Variants in SGSM1 observed in about 807,000 individuals in gnomAD.
SGSM1 encodes the protein RUN and TBC1 domain containing 2.
A neutral mutation model predicts 133.8 loss-of-function variants in SGSM1; 73 were observed. The observed-to-expected ratio is 0.55, with a 90% CI of 0.45 to 0.66. The LOEUF (loss-of-function observed/expected upper bound fraction) is 0.66, where lower values mean the gene tolerates loss of function less well. Ranked by LOEUF, SGSM1 falls within the 30% of genes least tolerant of loss-of-function variation. The probability of loss-of-function intolerance (pLI) is 0.00; values close to 1 mark genes in which losing one functional copy is unlikely to be tolerated. For missense variants in SGSM1, 1,213 were observed against 1,448.1 expected, an observed-to-expected ratio of 0.84 and a Z score of 2.64; for synonymous variants, 563 against 573.0, an observed-to-expected ratio of 0.98 and a Z score of 0.25.
At chr22:24,828,869 A>G (rs1363080367) in intron 2 of SGSM1, among the ~76,000 whole-genome samples, 1 of 152,186 alleles carries the variant, frequency 6.6e-6, no homozygotes, top group Non-Finnish European at 1.5e-5. Flanking sequence ...TGTGGTACGT[A>G]TGCACCATAG....
intron 17 of SGSM1, among the ~76,000 whole-genome samples, chr22:24,894,014 A>G (rs951966150): frequency 2.6e-5 from 4 of 152,204 alleles, no homozygotes; most frequent in Non-Finnish European, 5.9e-5. Context: ...ATATCCTGGG[A>G]TATCAGGAAT....
intron 14 of SGSM1, 82 bp downstream of exon 14, chr22:24,879,608 C>A: frequency 7.2e-7 from 1 of 1,380,170 alleles, no homozygotes; most frequent in Non-Finnish European, 1.0e-6. Context: ...TCAAAAGATA[C>A]TGGCTCTGGA....
At chr22:24,907,028 G>A (rs545962994) in intron 21 of SGSM1, among the ~76,000 whole-genome samples, 3 of 151,760 alleles carry the variant, frequency 2.0e-5, no homozygotes, top group African/African-American at 4.8e-5. Flanking sequence ...TGGGAGCCTC[G>A]GTGGGTGGAT....
rs138992835 is a variant in SGSM1 at position 24,807,587 on chromosome 22, T to C, written c.63+1103T>C. ...GTGTGTTGCCCTCCCCATTCTTCAG[T>C]CTCAGACCCCATTGCTGCTGTGTCT... On this transcript the variant is annotated intron_variant, in intron 2 of 24. Transcript: ENST00000400358. Among the ~76,000 whole-genome samples the C allele has an allele frequency of 3.6e-3, 550 of 152,272 alleles. 2 individuals are homozygous for C. The highest frequency in any genetic ancestry group is 0.013 in the African/African-American group (525 of 41,556).
intron 2 of SGSM1, among the ~76,000 whole-genome samples, chr22:24,812,430 C>G (rs934177975): frequency 1.3e-5 from 2 of 152,150 alleles, no homozygotes; most frequent in Admixed American, 1.3e-4. Context: ...ATTCAAACCT[C>G]ATGTTGCCAA....
At position 24,806,276 on chromosome 22, in the gene SGSM1, C is replaced by T. The variant is rs773998854; in HGVS notation, c.-50C>T. 7.8e-6 allele frequency: 11 copies of T among 1,403,932 alleles called. No individual in the cohort carries two copies. In the Admixed American group the frequency reaches 1.9e-4, roughly 25 times the overall value. 87.0% of individuals were successfully genotyped at this position (1,403,932 alleles called of 1,614,324 possible). On this transcript the variant is annotated 5_prime_UTR_variant, in exon 1 of 25. Coordinates refer to ENST00000400358, the MANE Select transcript of SGSM1 (RefSeq NM_001098497.3). ...GCGCCGCGGCCGGAGGAGCTACCGC[C>T]GCCACCGCCGCCACCGCCTCCTGGG... is the stretch of plus-strand genomic sequence containing the variant.
rs191075972 is a variant in SGSM1, at chr22:24,812,785, T to C, written c.63+6301T>C. Among the ~76,000 whole-genome samples the C allele has an allele frequency of 2.0e-5, 3 of 152,274 alleles. No individual in the cohort carries two copies. In the East Asian group the frequency reaches 5.8e-4, roughly 29 times the overall value. ...CTTTCTCCCTCCCTCTGTTATTTTC[T>C]TTCTCCCCCACTTCCGTTCTTCCTT... On this transcript the variant is annotated intron_variant, in intron 2 of 24. Coordinates refer to ENST00000400358, the MANE Select transcript of SGSM1 (RefSeq NM_001098497.3).
chr22:24,823,330 C>T (rs951899767), intron 2 of SGSM1, among the ~76,000 whole-genome samples: 53 of 152,118 alleles, frequency 3.5e-4, no homozygotes, highest in South Asian at 1.9e-3. Flanking sequence ...TTGCCAGGCG[C>T]GGTGGCTCGC....
intron 8 of SGSM1, among the ~76,000 whole-genome samples, chr22:24,858,859 A>G (rs1285035145): frequency 6.6e-6 from 1 of 152,214 alleles, no homozygotes. Context: ...AATAACAACC[A>G]TGCCCAAAAC....
intron 8 of SGSM1, 93 bp from the exon 9 acceptor site, chr22:24,859,623 T>A (rs756295086): frequency 1.5e-5 from 23 of 1,550,042 alleles, no homozygotes; most frequent in Middle Eastern, 1.7e-4. Context: ...ACCTCTTAGT[T>A]CTGATTATGT....
chr22:24,855,729 G>A, intron 8 of SGSM1, 49 bp downstream of exon 8: 2 of 1,613,778 alleles, frequency 1.2e-6, no homozygotes, highest in Non-Finnish European at 1.7e-6. Flanking sequence ...TCTCACTCCA[G>A]GTTATAGAGG....
At chr22:24,845,555 A>T (rs558046377) in intron 3 of SGSM1, among the ~76,000 whole-genome samples, 2 of 152,346 alleles carry the variant, frequency 1.3e-5, no homozygotes, top group African/African-American at 2.4e-5. Flanking sequence ...GTGTGTACAT[A>T]GAAGTGGGAG....
chr22:24,882,991 G>T (rs1601951961), intron 14 of SGSM1, among the ~76,000 whole-genome samples: 1 of 151,582 alleles, frequency 6.6e-6, no homozygotes, highest in East Asian at 1.9e-4. Context: ...TCCGCCTCCT[G>T]GGTTCACGCC....
Position 24,870,064 on chromosome 22 carries a change from C to T in SGSM1, c.1291+1209C>T, listed in dbSNP as rs577252295. ...GAGCCTCCCTTTGCTGAAGCAGCCACGTGCTGGGCAGTGAGAGGCTCTTTT... is the reference window on the plus strand; with the variant it reads ...GAGCCTCCCTTTGCTGAAGCAGCCATGTGCTGGGCAGTGAGAGGCTCTTTT... On this transcript the variant is annotated intron_variant, in intron 12 of 24. Transcript: ENST00000400358. Among the ~76,000 whole-genome samples, 9 of 152,360 alleles carry T rather than the reference C, an allele frequency of 5.9e-5. No individual in the cohort carries two copies. The South Asian group carries it at 1.7e-3, about 28-fold the overall frequency.
intron 16 of SGSM1, among the ~76,000 whole-genome samples, chr22:24,892,259 C>A (rs117185248): frequency 6.6e-6 from 1 of 152,106 alleles, no homozygotes; most frequent in Admixed American, 6.5e-5. Context: ...CTCAGTCCCC[C>A]TCCCGAAGTC....
chr22:24,869,808 G>C (rs1931677450), intron 12 of SGSM1, among the ~76,000 whole-genome samples: 1 of 152,214 alleles, frequency 6.6e-6, no homozygotes, highest in African/African-American at 2.4e-5. Flanking sequence ...CCGTGACACA[G>C]ATGCGCAGCA....
rs773998854 is a variant in SGSM1 at position 24,806,276 on chromosome 22, C to A, written c.-50C>A. ...GCGCCGCGGCCGGAGGAGCTACCGC[C>A]GCCACCGCCGCCACCGCCTCCTGGG... is the stretch of plus-strand genomic sequence containing the variant. On this transcript the variant is annotated 5_prime_UTR_variant, in exon 1 of 25. Transcript: ENST00000400358. 8 of 1,404,036 alleles carry A rather than the reference C, an allele frequency of 5.7e-6. No homozygotes were observed. In the South Asian group the frequency reaches 1.1e-4, roughly 19 times the overall value. The allele number at this position is 1,404,036 out of a possible 1,614,324, so 87.0% of individuals were successfully genotyped here. A position where few individuals can be genotyped will look rare whatever the true frequency, so the allele number is the denominator to read the frequency against.
At chr22:24,823,136 G>A (rs1490568895) in intron 2 of SGSM1, among the ~76,000 whole-genome samples, 1 of 152,148 alleles carries the variant, frequency 6.6e-6, no homozygotes, top group East Asian at 1.9e-4. Context: ...TTCCTCATCT[G>A]TAAAGTAAAG....
rs574276307 is a variant in SGSM1 at position 24,868,499 on chromosome 22, A to G, written c.1118A>G (p.His373Arg). Reference sequence around the variant, plus strand: ...TGCCTGGAGAATGGGCTGCTCCCACATGGGCAGTTGGACCCGCCACTGTGG... The same window carrying G: ...TGCCTGGAGAATGGGCTGCTCCCACGTGGGCAGTTGGACCCGCCACTGTGG... The part of the protein sequence containing the change: ...LSCLENGLLP[H>R]GQLDPPLWSQ... Residue 373 changes from histidine to arginine, a missense_variant, in exon 11 of 25, where the codon CAT becomes CGT. Transcript: ENST00000400358. The G allele has an allele frequency of 3.2e-5, 52 of 1,613,084 alleles. No individual in the cohort carries two copies. The South Asian group carries it at 5.5e-4, about 17-fold the overall frequency.
Sources: gnomAD v4.1 joint callset for allele counts (sites outside exome capture counted in the v4.1 genomes callset) on GRCh38, gnomAD v4.1.1 for gene constraint, MANE v1.5 for transcripts, NCBI Gene and HGNC (gene_info 2026-07-23, HGNC 2026-07-21) for gene names.